MPP7: variants seen among roughly 807,000 people sequenced by gnomAD.
MPP7 encodes MAGUK p55 scaffold protein 7.
A neutral mutation model predicts 76.5 loss-of-function variants in MPP7; 60 were observed. That is an observed-to-expected ratio of 0.78 (90% confidence interval 0.64 to 0.97). The LOEUF is 0.97. Among genes scored for constraint, MPP7 ranks in the 50% least tolerant of loss-of-function variants. The pLI, the probability that MPP7 is intolerant of heterozygous loss-of-function variation, is 0.00. For synonymous variants in MPP7, 237 were observed against 244.5 expected (o/e 0.97, Z 0.29); for missense variants, 641 against 694.0 (o/e 0.92, Z 0.86).
intron 3 of MPP7, among the ~76,000 whole-genome samples, chr10:28,187,429 C>G (rs1837273481): frequency 1.3e-5 from 2 of 152,170 alleles, no homozygotes; most frequent in African/African-American, 4.8e-5. Context: ...TGACAATTAC[C>G]TTTGATTGGC....
chr10:28,221,667 C>T (rs946486109), intron 2 of MPP7, among the ~76,000 whole-genome samples: 6 of 152,108 alleles, frequency 3.9e-5, no homozygotes, highest in African/African-American at 9.7e-5. Flanking sequence ...CTTCAAGATA[C>T]GTACGGAGGT....
At chr10:28,250,031 TAGAA>T (rs753128294) in intron 1 of MPP7, among the ~76,000 whole-genome samples, 30 of 149,914 alleles carry the variant, frequency 2.0e-4, no homozygotes, top group Non-Finnish European at 4.0e-4. Context: ...AAAAAAACTG[TAGAA>T]AGAAACTATT....
intron 1 of MPP7, among the ~76,000 whole-genome samples, chr10:28,249,163 G>C (rs1199447462): frequency 6.6e-6 from 1 of 151,662 alleles, no homozygotes. Flanking sequence ...TATTTATTTT[G>C]TGTTTCTGCC....
At chr10:28,144,221 T>C (rs1474705200) in intron 5 of MPP7, among the ~76,000 whole-genome samples, 1 of 152,084 alleles carries the variant, frequency 6.6e-6, no homozygotes, top group African/African-American at 2.4e-5. Context: ...ATTGCATTTC[T>C]CCCATTCTAC....
Position 28,324,749 on chromosome 10 carries a change from T to C in MPP7, c.-132+5180A>G, listed in dbSNP as rs568514255. On this transcript the variant is annotated intron_variant, in intron 2 of 11. Coordinates refer to the MPP7 transcript ENST00000441595. ...GAGCATAGATGTAATTAATTTTTCC[T>C]ATTCAAGTTCACAAGTATCCAGAAC... Among the ~76,000 whole-genome samples, 9 of 152,358 alleles carry C rather than the reference T, an allele frequency of 5.9e-5. No individual in the cohort carries two copies. The South Asian group carries it at 1.2e-3, about 21-fold the overall frequency.
intron 3 of MPP7, among the ~76,000 whole-genome samples, chr10:28,170,234 A>G (rs1836635005): frequency 6.6e-6 from 1 of 152,052 alleles, no homozygotes; most frequent in Non-Finnish European, 1.5e-5. Context: ...TGTTTTGGGT[A>G]TATTGTGATT....
chr10:28,249,264 T>C (rs1839535302), intron 1 of MPP7, among the ~76,000 whole-genome samples: 1 of 152,114 alleles, frequency 6.6e-6, no homozygotes, highest in Admixed American at 6.5e-5. Context: ...AAAAGTATAG[T>C]AGGAAAACTG....
At chr10:28,239,523 G>A (rs1012676517) in intron 1 of MPP7, among the ~76,000 whole-genome samples, 2 of 152,068 alleles carry the variant, frequency 1.3e-5, no homozygotes, top group African/African-American at 4.8e-5. Context: ...AACTAACCTT[G>A]AAGGAATATT....
At chr10:28,193,725 T>C (rs1404099671) in intron 3 of MPP7, among the ~76,000 whole-genome samples, 2 of 151,876 alleles carry the variant, frequency 1.3e-5, no homozygotes, top group Non-Finnish European at 2.9e-5. Context: ...ACAACAGGAA[T>C]ATAAAAATAA....
intron 1 of MPP7, among the ~76,000 whole-genome samples, chr10:28,292,026 G>A (rs1020072582): frequency 1.8e-4 from 27 of 152,226 alleles, no homozygotes; most frequent in African/African-American, 6.0e-4. Context: ...TCCCATGCAG[G>A]TGGACCATGT....
chr10:28,092,485 T>C (rs1462403747), intron 11 of MPP7, among the ~76,000 whole-genome samples: 7 of 152,126 alleles, frequency 4.6e-5, no homozygotes, highest in Admixed American at 3.3e-4. Context: ...CAAACTTCTA[T>C]GTAAAGCGCC....
At chr10:28,143,070 A>C (rs2133737398) in intron 5 of MPP7, among the ~76,000 whole-genome samples, 1 of 152,296 alleles carries the variant, frequency 6.6e-6, no homozygotes, top group South Asian at 2.1e-4. Flanking sequence ...TGTTGACACA[A>C]AGAGAAGGCT....
chr10:28,068,875 A>C (rs906474689), intron 13 of MPP7, among the ~76,000 whole-genome samples: 2 of 152,224 alleles, frequency 1.3e-5, no homozygotes, highest in Non-Finnish European at 2.9e-5. Context: ...TGTGTACTAA[A>C]ATTCATCATA....
At chr10:28,221,430 T>C (rs1034918148) in intron 2 of MPP7, among the ~76,000 whole-genome samples, 1 of 152,134 alleles carries the variant, frequency 6.6e-6, no homozygotes, top group Admixed American at 6.5e-5. Context: ...AGAAGCAGAC[T>C]GGTGATGCAT....
At chr10:28,144,366 C>T (rs1432728205) in intron 5 of MPP7, among the ~76,000 whole-genome samples, 3 of 152,004 alleles carry the variant, frequency 2.0e-5, no homozygotes, top group Non-Finnish European at 4.4e-5. Flanking sequence ...TAATTTATCA[C>T]CCAAATAGGG....
chr10:28,329,200 C>G (rs1834448112), intron 2 of MPP7, among the ~76,000 whole-genome samples: 1 of 152,076 alleles, frequency 6.6e-6, no homozygotes, highest in Non-Finnish European at 1.5e-5. Flanking sequence ...TTAAAATAGT[C>G]AACATTTCTA....
At chr10:28,204,985 A>G (rs914128333) in intron 2 of MPP7, among the ~76,000 whole-genome samples, 2 of 152,212 alleles carry the variant, frequency 1.3e-5, no homozygotes, top group African/African-American at 4.8e-5. Context: ...AAGTTTTTAT[A>G]AAAAATAATT....
chr10:28,123,321 T>C (rs1269482148), intron 8 of MPP7, among the ~76,000 whole-genome samples: 1 of 152,138 alleles, frequency 6.6e-6, no homozygotes, highest in Non-Finnish European at 1.5e-5. Flanking sequence ...CTAAATTAGT[T>C]TGACTAATTT....
At chr10:28,252,691 T>C (rs1032665687) in intron 1 of MPP7, among the ~76,000 whole-genome samples, 1 of 152,056 alleles carries the variant, frequency 6.6e-6, no homozygotes, top group African/African-American at 2.4e-5. Context: ...GATTTTTTTT[T>C]CCATCTTGGC....
Sources: allele counts gnomAD v4.1 joint callset (sites outside exome capture counted in the v4.1 genomes callset), GRCh38; gene constraint gnomAD v4.1.1; transcripts MANE v1.5; gene names NCBI Gene and HGNC (gene_info 2026-07-23, HGNC 2026-07-21).